The following ALS2 variants were observed in gnomAD, a reference collection of about 807,000 sequenced individuals.
ALS2 encodes the protein alsin Rho guanine nucleotide exchange factor ALS2, also known as alsin.
In ALS2, 117 loss-of-function variants were observed where a neutral mutation model predicts 203.4. That is an observed-to-expected ratio of 0.58 (90% CI 0.50 to 0.67). The LOEUF (loss-of-function observed/expected upper bound fraction) is 0.67. Ranked by LOEUF, ALS2 falls within the 30% of genes least tolerant of loss-of-function variation. The pLI is 0.00. For missense variants in ALS2, 1,715 were observed against 1,989.4 expected (o/e 0.86, Z 2.62); for synonymous variants, 718 against 725.9 (o/e 0.99, Z 0.17).
rs771329619 is a variant in ALS2 at position 201,723,320 on chromosome 2, T to C, written c.3624+10A>G. The C allele has an allele frequency of 1.3e-6, 2 of 1,588,786 alleles. No homozygotes were observed. The highest frequency in any genetic ancestry group is 8.6e-7 in the Non-Finnish European group (1 of 1,156,928). On this transcript the variant is annotated intron_variant, in intron 22 of 33. Transcript: ENST00000264276. ...AGTTAGTAATAACTACATGCAAATA[T>C]TCCACTCACCATCATTTTATTAAGG...
At chr2:201,708,282 A>G (rs2105969850) in intron 27 of ALS2, among the ~76,000 whole-genome samples, 1 of 152,346 alleles carries the variant, frequency 6.6e-6, no homozygotes, top group Middle Eastern at 3.4e-3. Context: ...TCTGAGGTCA[A>G]TTTATATTAA....
In ALS2 at chr2:201,714,527, G is replaced by A. The variant is rs537055218; in HGVS notation, c.4004+1145C>T. On this transcript the variant is annotated intron_variant, in intron 25 of 33. Coordinates refer to ENST00000264276, the MANE Select transcript of ALS2 (RefSeq NM_020919.4). ...TCTTTTTCCCTTATGATCTGGTTGTGCGTCCCTACCATGTTGCTGTAATCT... is the reference window on the plus strand; with the variant it reads ...TCTTTTTCCCTTATGATCTGGTTGTACGTCCCTACCATGTTGCTGTAATCT... Among the ~76,000 whole-genome samples the A allele has an allele frequency of 4.5e-4, 69 of 152,296 alleles. No individual in the cohort carries two copies. In the South Asian group the frequency reaches 7.5e-3, roughly 16 times the overall value.
In ALS2 at chr2:201,729,189, G is replaced by A; in HGVS notation, c.2581-6C>T. The A allele has an allele frequency of 6.2e-7, 1 of 1,612,680 alleles. No individual in the cohort carries two copies. Among genetic ancestry groups the A allele is most frequent in the Non-Finnish European group, 8.5e-7 (1 of 1,179,632 alleles). On this transcript the variant is annotated splice_polypyrimidine_tract_variant and splice_region_variant and intron_variant, in intron 13 of 33. Transcript: ENST00000264276. ...TTCTGATATTCTGGAGATGCCTACA[G>A]GGCAAAAATTAAAGAGGAAAAAAAA...
chr2:201,725,480 A>G (rs988604983), intron 19 of ALS2, 26 bp from the exon 20 acceptor site: 1 of 1,555,034 alleles, frequency 6.4e-7, no homozygotes, highest in African/African-American at 1.4e-5. Context: ...AAAAATAACA[A>G]AAGAAGATGC....
chr2:201,761,983 AT>A (rs1348402133), intron 3 of ALS2, among the ~76,000 whole-genome samples, 165 bp from the exon 4 acceptor site: 5 of 152,356 alleles, frequency 3.3e-5, no homozygotes, highest in Middle Eastern at 3.4e-3. Context: ...AGTATTTCAC[AT>A]TAATTCATCT....
intron 27 of ALS2, among the ~76,000 whole-genome samples, chr2:201,708,759 A>G (rs1241363816): frequency 6.6e-6 from 1 of 152,180 alleles, no homozygotes; most frequent in Admixed American, 6.5e-5. Flanking sequence ...TCTACCATAA[A>G]TAAGTTTATT....
At chr2:201,752,550 AAT>A (rs1693128823) in intron 7 of ALS2, among the ~76,000 whole-genome samples, 1 of 152,118 alleles carries the variant, frequency 6.6e-6, no homozygotes. Context: ...AATCAAATCA[AAT>A]ATTAAAAGGG....
rs762894364 is a variant in ALS2, at chr2:201,744,340, G to A, written c.2088C>T (p.His696=). 2.2e-5 allele frequency: 35 copies of A among 1,613,716 alleles called. No homozygotes were observed. The highest frequency in any genetic ancestry group is 2.7e-5 in the Non-Finnish European group (32 of 1,179,774). ...KNIMGYIASL[H]ELATTERRFY... The stretch of plus-strand genomic sequence containing the variant: ...ATCGTCTTTCTGTAGTAGCTAACTC[G>A]TGGAGACTGGCAATATACCCCATAA... The change falls in exon 10 of 34, where the codon CAC becomes CAT. Residue 696 remains histidine, a synonymous_variant. Transcript: ENST00000264276.
At chr2:201,748,174 C>A (rs1244932508) in intron 8 of ALS2, among the ~76,000 whole-genome samples, 2 of 152,054 alleles carry the variant, frequency 1.3e-5, no homozygotes, top group African/African-American at 4.8e-5. Flanking sequence ...TCTAGCTAGG[C>A]TCCAAATCAT....
chr2:201,742,773 A>C (rs2106047002), intron 10 of ALS2, among the ~76,000 whole-genome samples: 1 of 152,318 alleles, frequency 6.6e-6, no homozygotes, highest in African/African-American at 2.4e-5. Flanking sequence ...ATGTTTTTCC[A>C]CTAGAAACAA....
intron 12 of ALS2, among the ~76,000 whole-genome samples, chr2:201,733,745 A>C (rs1691715177): frequency 6.6e-6 from 1 of 152,336 alleles, no homozygotes; most frequent in African/African-American, 2.4e-5. Context: ...ACCAGCTGAC[A>C]CCATTACCTG....
intron 25 of ALS2, among the ~76,000 whole-genome samples, chr2:201,713,133 C>CTTTTTTTTTTTTTTTTTTTTTTTTTTTTT (rs35807671): frequency 1.0e-5 from 1 of 96,256 alleles, no homozygotes; most frequent in Non-Finnish European, 2.1e-5. Flanking sequence ...CTTTTCTTTT[C>CTTTTTTTTTTTTTTTTTTTTTTTTTTTTT]TTTTTTTTTT....
intron 10 of ALS2, 64 bp downstream of exon 10, chr2:201,744,194 G>A (rs1574747599): frequency 9.2e-6 from 14 of 1,517,580 alleles, no homozygotes; most frequent in Non-Finnish European, 1.3e-5. Context: ...CATTATTTGT[G>A]ACATAGGAAG....
chr2:201,709,281 C>G (rs556449042), intron 27 of ALS2, among the ~76,000 whole-genome samples: 2 of 152,268 alleles, frequency 1.3e-5, no homozygotes, highest in South Asian at 4.1e-4. Flanking sequence ...AGTACTCTTT[C>G]CCTTTATTTT....
In ALS2 at chr2:201,761,044, G is replaced by A; in HGVS notation, c.950C>T (p.Ala317Val). ...CATGACATTTTGTTGAGAGGACATG[G>A]CATCGCTGCTTGTGATCTGAGCACT... ...AVSAQITSSDAMSSQQNVMGT... is the reference protein window; with the variant it reads ...AVSAQITSSDVMSSQQNVMGT... Residue 317 changes from alanine to valine, a missense_variant, in exon 4 of 34, where the codon GCC (alanine) becomes GTC (valine). Ala to Val is a moderately conservative substitution (Grantham distance 64). This residue lies in a region of ALS2 where 476 missense variants were observed against 539.3 expected (regional missense o/e 0.88). Coordinates refer to ENST00000264276, the MANE Select transcript of ALS2 (RefSeq NM_020919.4). 6.2e-7 allele frequency: 1 copy of A among 1,614,150 alleles called. No homozygotes were observed. The highest frequency in any genetic ancestry group is 8.5e-7 in the Non-Finnish European group (1 of 1,180,024).
chr2:201,713,133 C>CTTT lies in ALS2; in HGVS notation c.4005-2028_4005-2026dup, dbSNP rs35807671. 4.3e-3 allele frequency among the ~76,000 whole-genome samples: 415 copies of CTTT among 96,242 alleles called. 6 individuals carry two copies. Among genetic ancestry groups the CTTT allele is most frequent in the Non-Finnish European group, 7.3e-3 (358 of 48,710 alleles). 63.1% of individuals were successfully genotyped at this position (96,242 alleles called of 152,430 possible). On this transcript the variant is annotated intron_variant, in intron 25 of 33. Coordinates refer to ENST00000264276, the MANE Select transcript of ALS2 (RefSeq NM_020919.4). Reference sequence around the variant, plus strand: ...CCCTCATTCTTTCTCCTTTTCTTTTCTTTTTTTTTTTTTTTTTTTTGAGAT... The same window carrying CTTT: ...CCCTCATTCTTTCTCCTTTTCTTTTCTTTTTTTTTTTTTTTTTTTTTTTGAGAT...
intron 1 of ALS2, 41 bp from the exon 2 acceptor site, chr2:201,768,986 T>C: frequency 8.9e-7 from 1 of 1,118,454 alleles, no homozygotes; most frequent in Non-Finnish European, 1.3e-6. Flanking sequence ...AAAAGAATAT[T>C]TTACCCCTCA....
chr2:201,727,465 T>C (rs574791253), intron 16 of ALS2, among the ~76,000 whole-genome samples, 187 bp from the exon 17 acceptor site: 5 of 152,336 alleles, frequency 3.3e-5, no homozygotes, highest in South Asian at 4.1e-4. Flanking sequence ...TGCTGAACGA[T>C]GGGGATGTGT....
intron 9 of ALS2, among the ~76,000 whole-genome samples, chr2:201,744,641 C>T (rs1692508692): frequency 1.3e-5 from 2 of 151,884 alleles, no homozygotes; most frequent in South Asian, 2.1e-4. Flanking sequence ...GGGGGGTCGT[C>T]GGGGTCGCTT....
Sources: allele counts gnomAD v4.1 joint callset (sites outside exome capture counted in the v4.1 genomes callset), GRCh38; gene constraint gnomAD v4.1.1; regional missense constraint gnomAD v4.1.1; transcripts MANE v1.5; gene names NCBI Gene and HGNC (gene_info 2026-07-23, HGNC 2026-07-21).